The following SPOCK1 variants were observed in gnomAD, a reference collection of about 807,000 sequenced individuals.
SPOCK1 encodes SPARC (osteonectin), cwcv and kazal like domains proteoglycan 1.
SPOCK1 carries 23 observed loss-of-function variants against 55.3 expected under a neutral mutation model. That is an observed-to-expected ratio of 0.42 (90% CI 0.30 to 0.59). The LOEUF (loss-of-function observed/expected upper bound fraction) is 0.59, where lower values mean the gene tolerates loss of function less well. SPOCK1 is among the 20% of genes least tolerant of loss of function. The pLI is 0.22. For missense variants in SPOCK1, 499 were observed against 552.5 expected (o/e 0.90, Z 0.97); for synonymous variants, 226 against 221.0 (o/e 1.02, Z -0.20).
chr5:137,371,134 G>A lies in SPOCK1; in HGVS notation c.187-104079C>T, dbSNP rs553445146. ...TGAAATACCCAGTGTGCTGCATAAG[G>A]TTTCCTGATTAAAAGAGACTCACTT... is the stretch of plus-strand genomic sequence containing the variant. On this transcript the variant is annotated intron_variant, in intron 2 of 10. Transcript: ENST00000394945. 4.6e-5 allele frequency among the ~76,000 whole-genome samples: 7 copies of A among 152,330 alleles called. No individual in the cohort carries two copies. The South Asian group carries it at 1.4e-3, about 32-fold the overall frequency.
In SPOCK1 at chr5:137,112,613, G is replaced by T. The variant is rs375424068; in HGVS notation, c.348-52C>A. The T allele has an allele frequency of 3.2e-6, 5 of 1,578,834 alleles. No individual in the cohort carries two copies. In the African/African-American group the frequency reaches 5.5e-5, roughly 17 times the overall value. On this transcript the variant is annotated intron_variant, in intron 4 of 10. Transcript: ENST00000394945. ...TTAGTTGAAGCTCCAGACCCTATGA[G>T]TCTTTCCTCTAAGTTCCCAGAATAA... is the stretch of plus-strand genomic sequence containing the variant.
At chr5:137,490,819 A>G (rs977780280) in intron 2 of SPOCK1, among the ~76,000 whole-genome samples, 2 of 152,130 alleles carry the variant, frequency 1.3e-5, no homozygotes, top group Non-Finnish European at 2.9e-5. Flanking sequence ...AGGAGCTACA[A>G]CTGGAAAATA....
intron 6 of SPOCK1, among the ~76,000 whole-genome samples, chr5:137,005,180 A>G (rs4976337): frequency 0.81 from 123,025 of 152,068 alleles, 50,875 homozygotes; most frequent in South Asian, 0.93. Context: ...TTTTTATAGG[A>G]GGCCATCTGT....
At chr5:137,285,180 A>C (rs1757238831) in intron 2 of SPOCK1, among the ~76,000 whole-genome samples, 1 of 152,234 alleles carries the variant, frequency 6.6e-6, no homozygotes, top group African/African-American at 2.4e-5. Flanking sequence ...TCTCACTAAA[A>C]TTAGATGCAA....
intron 3 of SPOCK1, among the ~76,000 whole-genome samples, chr5:137,190,292 G>T (rs971839840): frequency 3.3e-5 from 5 of 152,120 alleles, no homozygotes; most frequent in Non-Finnish European, 7.3e-5. Context: ...AATCAATGTA[G>T]CAAACTTCAT....
chr5:137,218,921 T>C (rs1221910963), intron 3 of SPOCK1, among the ~76,000 whole-genome samples: 2 of 152,138 alleles, frequency 1.3e-5, no homozygotes, highest in Non-Finnish European at 2.9e-5. Flanking sequence ...AAAAAAGCAG[T>C]GCCCAGGCTG....
chr5:137,467,050 C>T (rs1163104155), intron 2 of SPOCK1, among the ~76,000 whole-genome samples: 1 of 152,232 alleles, frequency 6.6e-6, no homozygotes, highest in Non-Finnish European at 1.5e-5. Flanking sequence ...CAGCTCCTCG[C>T]TGGCTGGCAA....
At chr5:137,051,833 C>A (rs1458949980) in intron 6 of SPOCK1, among the ~76,000 whole-genome samples, 2 of 152,262 alleles carry the variant, frequency 1.3e-5, no homozygotes, top group East Asian at 1.9e-4. Flanking sequence ...AGTAAGAAAT[C>A]AAAATGTGTA....
chr5:137,100,883 A>AG (rs890710474), intron 5 of SPOCK1, among the ~76,000 whole-genome samples: 15 of 152,030 alleles, frequency 9.9e-5, no homozygotes, highest in African/African-American at 3.6e-4. Context: ...GGGAAAAAAA[A>AG]AAAAAGAAAA....
At chr5:137,393,703 A>T (rs1451267168) in intron 2 of SPOCK1, among the ~76,000 whole-genome samples, 1 of 152,252 alleles carries the variant, frequency 6.6e-6, no homozygotes, top group Non-Finnish European at 1.5e-5. Flanking sequence ...ATAATTGTTC[A>T]ACTAATGCTA....
At chr5:137,187,935 G>C (rs988384839) in intron 3 of SPOCK1, among the ~76,000 whole-genome samples, 2 of 152,210 alleles carry the variant, frequency 1.3e-5, no homozygotes, top group Admixed American at 1.3e-4. Flanking sequence ...GCATAAATTA[G>C]TGGAAGTAAC....
intron 2 of SPOCK1, among the ~76,000 whole-genome samples, chr5:137,377,181 G>A (rs1363778281): frequency 6.6e-6 from 1 of 152,254 alleles, no homozygotes; most frequent in Non-Finnish European, 1.5e-5. Flanking sequence ...AAATAGGAGA[G>A]ATGAAGGTAT....
intron 5 of SPOCK1, 32 bp downstream of exon 5, chr5:137,112,403 T>C (rs1201743131): frequency 6.2e-7 from 1 of 1,606,852 alleles, no homozygotes; most frequent in South Asian, 1.1e-5. Flanking sequence ...CATGAAGTAT[T>C]TTTGATAACA....
intron 2 of SPOCK1, among the ~76,000 whole-genome samples, chr5:137,325,028 T>C (rs556053498): frequency 2.0e-5 from 3 of 151,978 alleles, no homozygotes; most frequent in South Asian, 2.1e-4. Context: ...CCTGCAGATC[T>C]TGAGTTTGAT....
intron 2 of SPOCK1, among the ~76,000 whole-genome samples, chr5:137,477,080 A>T (rs1164599088): frequency 6.6e-6 from 1 of 152,244 alleles, no homozygotes; most frequent in African/African-American, 2.4e-5. Flanking sequence ...AAAACAGTCC[A>T]AATGTTTTTA....
intron 2 of SPOCK1, among the ~76,000 whole-genome samples, chr5:137,454,991 C>A (rs1160444548): frequency 6.6e-6 from 1 of 152,044 alleles, no homozygotes; most frequent in Non-Finnish European, 1.5e-5. Context: ...CTCTCTTTTC[C>A]AAAGTAAATG....
intron 2 of SPOCK1, among the ~76,000 whole-genome samples, chr5:137,275,873 C>T (rs566779522): frequency 6.6e-6 from 1 of 152,336 alleles, no homozygotes; most frequent in Non-Finnish European, 1.5e-5. Flanking sequence ...TTCACTTGCA[C>T]TCCTGGGTCT....
In SPOCK1 at chr5:137,061,988, T is replaced by C. The variant is rs565628500; in HGVS notation, c.589+5727A>G. ...AGGAACAAACTCACTAGACCCAGGG[T>C]CAGGTGAGCTGTCAGCTGATGGCAC... On this transcript the variant is annotated intron_variant, in intron 6 of 10. Transcript: ENST00000394945. 3.9e-5 allele frequency among the ~76,000 whole-genome samples: 6 copies of C among 152,188 alleles called. No individual in the cohort carries two copies. In the South Asian group the frequency reaches 1.2e-3, roughly 32 times the overall value.
chr5:137,034,393 C>G (rs1294407647), intron 6 of SPOCK1, among the ~76,000 whole-genome samples: 1 of 152,188 alleles, frequency 6.6e-6, no homozygotes, highest in Non-Finnish European at 1.5e-5. Context: ...AATACCCCTA[C>G]AGTGAGCCAA....
Sources: allele counts gnomAD v4.1 joint callset (sites outside exome capture counted in the v4.1 genomes callset), GRCh38; gene constraint gnomAD v4.1.1; transcripts MANE v1.5; gene names NCBI Gene and HGNC (gene_info 2026-07-23, HGNC 2026-07-21).